The following VWA5B1 variants were observed in gnomAD, a reference collection of about 807,000 sequenced individuals.
VWA5B1 encodes the protein von Willebrand factor A domain-containing protein 5B1.
Under a neutral mutation model 118.2 loss-of-function variants are expected in VWA5B1, and 115 were observed. That is an observed-to-expected ratio of 0.97 (90% CI 0.84 to 1.14). VWA5B1 has a LOEUF of 1.14. Ranked by LOEUF, VWA5B1 falls within the 50% of genes most tolerant of loss-of-function variation. The pLI, the probability that VWA5B1 is intolerant of heterozygous loss-of-function variation, is 0.00. For synonymous variants in VWA5B1, 682 were observed against 658.4 expected (o/e 1.04, Z -0.55); for missense variants, 1,596 against 1,603.8 (o/e 1.00, Z 0.08).
intron 21 of VWA5B1, among the ~76,000 whole-genome samples, chr1:20,353,056 G>T (rs2090160917): frequency 6.6e-6 from 1 of 152,158 alleles, no homozygotes; most frequent in South Asian, 2.1e-4. Flanking sequence ...TTGAGATGTG[G>T]GGAGCAGACC....
intron 9 of VWA5B1, among the ~76,000 whole-genome samples, chr1:20,329,591 C>A (rs1015264053): frequency 6.6e-6 from 1 of 152,056 alleles, no homozygotes; most frequent in Non-Finnish European, 1.5e-5. Context: ...ACTTCTAAGT[C>A]CTGTCCAAGG....
chr1:20,331,065 A>G, intron 11 of VWA5B1, 82 bp downstream of exon 11: 1 of 1,211,090 alleles, frequency 8.3e-7, no homozygotes, highest in Non-Finnish European at 1.1e-6. Context: ...TCAGTGGTGG[A>G]GCTGGGATGA....
rs1445856877 is a variant in VWA5B1, at chr1:20,350,992, T to C, written c.3023+66T>C. 4.7e-6 allele frequency: 7 copies of C among 1,491,126 alleles called. No homozygotes were observed. In the East Asian group the frequency reaches 1.7e-4, roughly 37 times the overall value. 92.4% of individuals were successfully genotyped at this position (1,491,126 alleles called of 1,614,324 possible). A position where few individuals can be genotyped will look rare whatever the true frequency, so the allele number is the denominator to read the frequency against. On this transcript the variant is annotated intron_variant, in intron 20 of 21. Coordinates refer to ENST00000289815, the MANE Select transcript of VWA5B1 (RefSeq NM_001039500.3). ...CATTTTCCTGGGGTGGTCCCTGGGG[T>C]TTTCCCTGACTTGGAAGGCCAAAGA...
chr1:20,310,247 CT>C (rs1169168574), intron 1 of VWA5B1, among the ~76,000 whole-genome samples: 4 of 152,220 alleles, frequency 2.6e-5, no homozygotes, highest in African/African-American at 9.6e-5. Flanking sequence ...CCCGCGTGGT[CT>C]GTTGGGGAGA....
At chr1:20,321,698 TC>T (rs1282264866) in intron 7 of VWA5B1, among the ~76,000 whole-genome samples, 1 of 151,234 alleles carries the variant, frequency 6.6e-6, no homozygotes, top group Non-Finnish European at 1.5e-5. Flanking sequence ...CAAAAGCCTG[TC>T]TGAGGATGAG....
intron 1 of VWA5B1, among the ~76,000 whole-genome samples, chr1:20,293,505 C>T (rs2088350732): frequency 1.3e-5 from 2 of 152,188 alleles, no homozygotes; most frequent in South Asian, 4.1e-4. Context: ...CTCAGTACCC[C>T]GATGGTTCCC....
At chr1:20,339,778 A>C (rs2089826493) in intron 14 of VWA5B1, among the ~76,000 whole-genome samples, 1 of 151,924 alleles carries the variant, frequency 6.6e-6, no homozygotes. Flanking sequence ...GGACCACTTG[A>C]TGCAATCAGA....
In VWA5B1 at chr1:20,348,256, C is replaced by A. The variant is rs2090049679; in HGVS notation, c.2776C>A (p.Arg926Ser). Reference sequence around the variant, plus strand: ...TGTCTTCCGCGAAGGAGCTGCCCTGCGTATGCTTGGCTCTCGGGCCCTGGC... The same window carrying A: ...TGTCTTCCGCGAAGGAGCTGCCCTGAGTATGCTTGGCTCTCGGGCCCTGGC... Reference protein sequence around the residue: ...VEYPNSGAALRMLGSRALAQQ... With the variant: ...VEYPNSGAALSMLGSRALAQQ... Residue 926 changes from arginine to serine, a missense_variant, in exon 18 of 22, where the codon CGT (arginine) becomes AGT (serine). Arg to Ser is a moderately radical substitution (Grantham distance 110, BLOSUM62 -1). Coordinates refer to ENST00000289815, the MANE Select transcript of VWA5B1 (RefSeq NM_001039500.3). 1 of 1,551,644 alleles carries A rather than the reference C, an allele frequency of 6.4e-7. No individual in the cohort carries two copies. Among genetic ancestry groups the A allele is most frequent in the Non-Finnish European group, 8.7e-7 (1 of 1,147,008 alleles).
chr1:20,343,196 G>C lies in VWA5B1; in HGVS notation c.2429G>C (p.Gly810Ala). Residue 810 changes from glycine to alanine, a missense_variant, in exon 16 of 22, where the codon GGC (glycine) becomes GCC (alanine). Transcript: ENST00000289815. ...CCCGCCACCCCGGCCCCGGTGCTGG[G>C]CAAGGCCCTGGTCAAAGGCCTGCAC... ...SRPATPAPVL[G>A]KALVKGLHDS... is the part of the protein sequence containing the mutation. 2 of 1,549,496 alleles carry C rather than the reference G, an allele frequency of 1.3e-6. No homozygotes were observed. The highest frequency in any genetic ancestry group is 2.4e-5 in the South Asian group (2 of 84,024).
intron 13 of VWA5B1, among the ~76,000 whole-genome samples, chr1:20,337,429 C>T (rs2089749269): frequency 6.6e-6 from 1 of 152,012 alleles, no homozygotes; most frequent in African/African-American, 2.4e-5. Context: ...CACCCAGCCA[C>T]ATTGTACCTT....
chr1:20,312,877 G>A lies in VWA5B1; in HGVS notation c.181G>A (p.Gly61Ser), dbSNP rs143764617. ...CCTGGATGAGTGCACCACGGTGATCGGCTTTGAGGCAGTCATTGCCGACCG... is the reference window on the plus strand; with the variant it reads ...CCTGGATGAGTGCACCACGGTGATCAGCTTTGAGGCAGTCATTGCCGACCG... ...YPLDECTTVIGFEAVIADRVV... is the reference protein window; with the variant it reads ...YPLDECTTVISFEAVIADRVV... The change falls in exon 3 of 22, where the codon GGC (glycine) becomes AGC (serine). Residue 61 changes from glycine (G) to serine (S), a missense_variant. Gly to Ser is a moderately conservative substitution (Grantham distance 56). Transcript: ENST00000289815. 2,297 of 1,551,586 alleles carry A rather than the reference G, an allele frequency of 1.5e-3. 2 individuals carry two copies. The highest frequency in any genetic ancestry group is 1.8e-3 in the Non-Finnish European group (2,067 of 1,146,960).
At position 20,312,971 on chromosome 1, in the gene VWA5B1, G is replaced by A. The variant is rs139281890; in HGVS notation, c.275G>A (p.Arg92Gln). 8.0e-5 allele frequency: 124 copies of A among 1,551,518 alleles called. 1 individual carries two copies. In the East Asian group the frequency reaches 1.9e-3, roughly 23 times the overall value. ...ESGHFDASHV[R>Q]SPTVTGNILQ... is the part of the protein sequence containing the mutation. ...GGCCACTTCGATGCCTCCCATGTTC[G>A]ATCCCCAACAGTCACAGGTAAGGAG... Residue 92 changes from arginine to glutamine, a missense_variant, in exon 3 of 22, where the codon CGA becomes CAA. By Grantham distance (43) the Arg-to-Gln change is conservative (BLOSUM62 1). Coordinates refer to ENST00000289815, the MANE Select transcript of VWA5B1 (RefSeq NM_001039500.3).
At chr1:20,343,499 C>A in intron 16 of VWA5B1, 106 bp downstream of exon 16, 1 of 1,428,472 alleles carries the variant, frequency 7.0e-7, no homozygotes, top group Non-Finnish European at 9.1e-7. Context: ...CCTCTCAGCC[C>A]CGCGTGGTCC....
chr1:20,308,653 A>T lies in VWA5B1; in HGVS notation c.-26-1923A>T, dbSNP rs549908458. 7.9e-5 allele frequency among the ~76,000 whole-genome samples: 12 copies of T among 152,294 alleles called. No individual in the cohort carries two copies. In the South Asian group the frequency reaches 1.7e-3, roughly 21 times the overall value. On this transcript the variant is annotated intron_variant, in intron 1 of 21. Coordinates refer to ENST00000289815, the MANE Select transcript of VWA5B1 (RefSeq NM_001039500.3). ...AGAGAAGGCTACTTGGGGAGACAGC[A>T]GCTCCCTCCCGGCTCTTTATCTGCC...
chr1:20,319,587 T>A (rs1182368711), intron 7 of VWA5B1, 81 bp downstream of exon 7: 1 of 1,524,080 alleles, frequency 6.6e-7, no homozygotes, highest in East Asian at 2.5e-5. Context: ...ACAAGTGAGG[T>A]GGGGAGGTAA....
At chr1:20,304,727 G>A (rs752011166) in intron 1 of VWA5B1, among the ~76,000 whole-genome samples, 2 of 152,138 alleles carry the variant, frequency 1.3e-5, no homozygotes, top group Non-Finnish European at 2.9e-5. Context: ...CGCTCAGGCA[G>A]AGGTGACAAG....
At chr1:20,297,386 T>C (rs1008724947) in intron 1 of VWA5B1, among the ~76,000 whole-genome samples, 1 of 152,168 alleles carries the variant, frequency 6.6e-6, no homozygotes, top group Non-Finnish European at 1.5e-5. Flanking sequence ...CAAGCACACA[T>C]TGGCTTTGAA....
intron 18 of VWA5B1, chr1:20,349,203 T>C (rs1344659222): frequency 2.2e-6 from 1 of 449,374 alleles, no homozygotes; most frequent in African/African-American, 2.0e-5. Context: ...AATCAAAGTG[T>C]TCTCTCAACT....
chr1:20,317,882 G>A (rs2089071569), intron 5 of VWA5B1, among the ~76,000 whole-genome samples: 1 of 151,828 alleles, frequency 6.6e-6, no homozygotes, highest in Non-Finnish European at 1.5e-5. Context: ...CAAGGCAACC[G>A]ACTTTCACCC....
Sources: allele counts gnomAD v4.1 joint callset (sites outside exome capture counted in the v4.1 genomes callset), GRCh38; gene constraint gnomAD v4.1.1; transcripts MANE v1.5; gene names NCBI Gene and HGNC (gene_info 2026-07-23, HGNC 2026-07-21).